TFDP2: variants seen among roughly 807,000 people sequenced by gnomAD.
TFDP2 encodes the protein transcription factor Dp-2 (E2F dimerization partner 2).
TFDP2 carries 17 observed loss-of-function variants against 59.3 expected under a neutral mutation model. The ratio of observed to expected loss-of-function variants is 0.29; its 90% CI spans 0.20 to 0.43. The LOEUF (loss-of-function observed/expected upper bound fraction) is 0.43, where lower values mean the gene tolerates loss of function less well. Among genes scored for constraint, TFDP2 ranks in the 20% least tolerant of loss-of-function variants. The pLI, the probability that TFDP2 is intolerant of heterozygous loss-of-function variation, is 1.00. For synonymous variants in TFDP2, 180 were observed against 194.7 expected (o/e 0.92, Z 0.63); for missense variants, 391 against 528.8 (o/e 0.74, Z 2.56).
At chr3:142,042,299 C>T (rs1217891782) in intron 3 of TFDP2, among the ~76,000 whole-genome samples, 1 of 146,662 alleles carries the variant, frequency 6.8e-6, no homozygotes, top group Non-Finnish European at 1.5e-5. Context: ...AATAGTGTTT[C>T]TTTTTTTTTT....
At chr3:142,069,095 T>C (rs2060159906) in intron 3 of TFDP2, among the ~76,000 whole-genome samples, 1 of 152,074 alleles carries the variant, frequency 6.6e-6, no homozygotes, top group South Asian at 2.1e-4. Context: ...TTTGTATTTT[T>C]AGTAGAGACG....
At chr3:142,027,757 C>T (rs957315943) in intron 3 of TFDP2, among the ~76,000 whole-genome samples, 5 of 151,848 alleles carry the variant, frequency 3.3e-5, no homozygotes, top group South Asian at 2.1e-4. Flanking sequence ...TCATATATTC[C>T]GGGGTCATTA....
chr3:142,100,130 C>G (rs188614676), intron 2 of TFDP2, among the ~76,000 whole-genome samples: 17 of 152,290 alleles, frequency 1.1e-4, no homozygotes, highest in Admixed American at 1.1e-3. Context: ...TGTTTGTTAA[C>G]GCTATTGTTC....
rs139371342 is a variant in TFDP2 at position 142,121,079 on chromosome 3, C to T, written c.-92-19238G>A. On this transcript the variant is annotated intron_variant, in intron 1 of 12. Transcript: ENST00000489671. The surrounding 1 kb of genome is among the most constrained non-coding windows in gnomAD (Gnocchi z 4.3). ...TATGATGACAGAGAAAAGAACTAGA[C>T]GTGTGTGTGCCAGCTTTAAGGTATG... Among the ~76,000 whole-genome samples, 6 of 151,898 alleles carry T rather than the reference C, an allele frequency of 4.0e-5. No individual in the cohort carries two copies. Among genetic ancestry groups the T allele is most frequent in the South Asian group, 2.1e-4 (1 of 4,818 alleles).
chr3:142,019,054 T>G (rs1231693936), intron 3 of TFDP2, among the ~76,000 whole-genome samples: 1 of 2,502 alleles, frequency 4.0e-4, no homozygotes, highest in Non-Finnish European at 6.0e-4. Flanking sequence ...TCTTCGCACA[T>G]TTTTTTTTTT....
chr3:142,098,399 C>A (rs907548126), intron 2 of TFDP2, among the ~76,000 whole-genome samples: 1 of 150,858 alleles, frequency 6.6e-6, no homozygotes, highest in South Asian at 2.1e-4. Flanking sequence ...AGCAATTTCA[C>A]CCCAGATACA....
intron 6 of TFDP2, among the ~76,000 whole-genome samples, chr3:141,987,059 A>G (rs573687218): frequency 6.6e-6 from 1 of 152,194 alleles, no homozygotes; most frequent in Non-Finnish European, 1.5e-5. Flanking sequence ...GTATACAATC[A>G]CATCATCTGC....
chr3:142,035,911 T>G (rs550719666), intron 3 of TFDP2, among the ~76,000 whole-genome samples: 141 of 152,364 alleles, frequency 9.3e-4, no homozygotes, highest in African/African-American at 3.2e-3. Flanking sequence ...TTGCCATGTC[T>G]CAGGTATGCA....
intron 1 of TFDP2, among the ~76,000 whole-genome samples, chr3:142,135,386 A>G (rs757622358): frequency 1.3e-5 from 2 of 151,966 alleles, no homozygotes; most frequent in African/African-American, 4.8e-5. Context: ...TTTAGCCTAC[A>G]TATGTTTAAT....
At chr3:142,093,923 G>A in intron 2 of TFDP2, 1 of 504,736 alleles carries the variant, frequency 2.0e-6, no homozygotes, top group Non-Finnish European at 3.9e-6. Flanking sequence ...CACAGGATTT[G>A]GCACATACTG....
intron 4 of TFDP2, among the ~76,000 whole-genome samples, chr3:142,002,554 C>A (rs1485284180): frequency 1.3e-5 from 2 of 152,114 alleles, no homozygotes; most frequent in African/African-American, 4.8e-5. Flanking sequence ...CCTTTACCAT[C>A]CATATTTGTG....
intron 1 of TFDP2, among the ~76,000 whole-genome samples, chr3:142,110,209 A>G (rs564142315): frequency 1.9e-4 from 29 of 150,398 alleles, no homozygotes; most frequent in African/African-American, 7.1e-4. Context: ...AAAATTGAAG[A>G]AAAAAAAAAT....
chr3:142,029,260 G>GC (rs199614918), intron 3 of TFDP2: 2 of 150,474 alleles, frequency 1.3e-5, no homozygotes, highest in Non-Finnish European at 3.0e-5. Context: ...TCCCAGTCCT[G>GC]CCCCGAGATA....
At chr3:142,033,931 T>TTA (rs1438796747) in intron 3 of TFDP2, among the ~76,000 whole-genome samples, 2 of 152,274 alleles carry the variant, frequency 1.3e-5, no homozygotes, top group Non-Finnish European at 2.9e-5. Context: ...GAAACTTTAA[T>TTA]ATTTCTCTTC....
chr3:141,949,383 C>T lies in TFDP2; in HGVS notation c.*3130G>A, dbSNP rs558667822. 7.9e-5 allele frequency: 12 copies of T among 152,336 alleles called. No individual in the cohort carries two copies. The highest frequency in any genetic ancestry group is 2.9e-4 in the African/African-American group (12 of 41,558). The allele number at this position is 152,336 out of a possible 1,614,324, so 9.4% of individuals were successfully genotyped here. A position where few individuals can be genotyped will look rare whatever the true frequency, so the allele number is the denominator to read the frequency against. On this transcript the variant is annotated 3_prime_UTR_variant, in exon 13 of 13. Coordinates refer to ENST00000489671, the MANE Select transcript of TFDP2 (RefSeq NM_001178139.2). ...GACCGCCATGTTGGTCGCTCCTTTC[C>T]CGCCCTCCTCCAAGGCCCACCTTGA...
chr3:142,008,016 C>T (rs1366241551), intron 3 of TFDP2, among the ~76,000 whole-genome samples: 2 of 152,128 alleles, frequency 1.3e-5, no homozygotes, highest in African/African-American at 4.8e-5. Flanking sequence ...TGCTGGCACT[C>T]GTTTAATTTG....
chr3:142,040,854 T>C (rs1946927559), intron 3 of TFDP2, among the ~76,000 whole-genome samples: 1 of 152,110 alleles, frequency 6.6e-6, no homozygotes, highest in Admixed American at 6.5e-5. Flanking sequence ...CAGTGAACCA[T>C]GATCATAACA....
intron 1 of TFDP2, among the ~76,000 whole-genome samples, chr3:142,106,148 G>A (rs758191983): frequency 6.6e-6 from 1 of 151,878 alleles, no homozygotes; most frequent in African/African-American, 2.4e-5. Context: ...ATTAACAAGA[G>A]TAGGCAATAA....
At chr3:142,055,843 C>T (rs1553790835) in intron 3 of TFDP2, among the ~76,000 whole-genome samples, 2 of 148,206 alleles carry the variant, frequency 1.3e-5, no homozygotes, top group Non-Finnish European at 1.5e-5. Context: ...TACTGAGATT[C>T]ATGATGACAA....
Sources: gnomAD v4.1 joint callset for allele counts (sites outside exome capture counted in the v4.1 genomes callset) on GRCh38, gnomAD v4.1.1 for gene constraint, Gnocchi (gnomAD v3.1) non-coding constraint, MANE v1.5 for transcripts, NCBI Gene and HGNC (gene_info 2026-07-23, HGNC 2026-07-21) for gene names.